The following GPRC5D variants were observed in gnomAD, a reference collection of about 807,000 sequenced individuals.
GPRC5D encodes the protein G protein-coupled receptor family C group 5 member D.
In GPRC5D, 20 loss-of-function variants were observed where a neutral mutation model predicts 29.3. That is an observed-to-expected ratio of 0.68 (90% CI 0.48 to 0.99). The LOEUF (loss-of-function observed/expected upper bound fraction) is 0.99. GPRC5D is among the 50% of genes least tolerant of loss of function. GPRC5D has a pLI of 0.00. For missense variants in GPRC5D, 384 were observed against 423.6 expected, an observed-to-expected ratio of 0.91 and a Z score of 0.82; for synonymous variants, 178 against 171.3, an observed-to-expected ratio of 1.04 and a Z score of -0.30.
Position 12,944,844 on chromosome 12 carries a change from TCCTTCC to T in GPRC5D, c.896-2522_896-2517del, listed in dbSNP as rs1565477374. Among the ~76,000 whole-genome samples the T allele has an allele frequency of 2.8e-3, 129 of 46,856 alleles. 9 individuals are homozygous for T. The highest frequency in any genetic ancestry group is 6.1e-3 in the African/African-American group (111 of 18,216). 30.7% of individuals were successfully genotyped at this position (46,856 alleles called of 152,430 possible). On this transcript the variant is annotated intron_variant, in intron 1 of 2. Coordinates refer to ENST00000228887, the Ensembl canonical transcript of GPRC5D. ...TTCCTTCCTTCCTTCCTTCCTTCCTTCCTTCCTTCTTTCTTTCTTTCTTTCTTTCTT... is the reference window on the plus strand; with the variant it reads ...TTCCTTCCTTCCTTCCTTCCTTCCTTTTCTTTCTTTCTTTCTTTCTTTCTT...
At chr12:12,948,363 T>C (rs1459587254) in intron 1 of GPRC5D, 1 of 154,022 alleles carries the variant, frequency 6.5e-6, no homozygotes, top group African/African-American at 2.4e-5. Flanking sequence ...TTCCAACTTT[T>C]GGTCAACTGA....
chr12:12,946,368 T>TC (rs1306083486), intron 1 of GPRC5D, among the ~76,000 whole-genome samples: 1 of 148,648 alleles, frequency 6.7e-6, no homozygotes, highest in African/African-American at 2.5e-5. Context: ...TTTCTTTCTT[T>TC]TCTTTCTTTC....
chr12:12,948,418 T>A (rs764545118), intron 1 of GPRC5D: 8 of 154,364 alleles, frequency 5.2e-5, no homozygotes, highest in Non-Finnish European at 1.0e-4. Flanking sequence ...AGGATTTAAT[T>A]TGAATGCGCA....
chr12:12,951,614 C>A (rs1863497726), upstream of GPRC5D, among the ~76,000 whole-genome samples: 1 of 152,154 alleles, frequency 6.6e-6, no homozygotes, highest in Non-Finnish European at 1.5e-5. Context: ...AATACAAAAT[C>A]TTTTTCATAA....
intron 1 of GPRC5D, chr12:12,948,644 T>C (rs548289586): frequency 2.0e-5 from 3 of 153,550 alleles, no homozygotes; most frequent in Non-Finnish European, 4.4e-5. Flanking sequence ...AGCCCAGATG[T>C]TTCAGAAAAG....
At chr12:12,940,740 CTG>C (rs1863121642), downstream of GPRC5D, 1 of 1,312,922 alleles carries the variant, frequency 7.6e-7, no homozygotes, top group African/African-American at 1.4e-5. Context: ...CCAGGACGGT[CTG>C]CTGGGTTTTC....
At chr12:12,944,674 A>G (rs571926360) in intron 1 of GPRC5D, among the ~76,000 whole-genome samples, 55 of 152,114 alleles carry the variant, frequency 3.6e-4, no homozygotes, top group African/African-American at 1.2e-3. Flanking sequence ...AAAAAGAATC[A>G]TATGAGGTTT....
At chr12:12,942,454 G>A in intron 1 of GPRC5D, 126 bp from the exon 3 acceptor site, 1 of 666,654 alleles carries the variant, frequency 1.5e-6, no homozygotes, top group Non-Finnish European at 2.7e-6. Context: ...GAATTCTGAG[G>A]CTGGGCACGG....
chr12:12,951,303 G>A (rs1236507983), upstream of GPRC5D, among the ~76,000 whole-genome samples: 1 of 152,242 alleles, frequency 6.6e-6, no homozygotes, highest in East Asian at 1.9e-4. Flanking sequence ...TTGTTCCTAG[G>A]ACACTGTCAA....
chr12:12,948,573 A>C (rs1416858070), intron 1 of GPRC5D: 1 of 154,350 alleles, frequency 6.5e-6, no homozygotes, highest in South Asian at 2.0e-4. Flanking sequence ...AATGTGAGAA[A>C]TCAGATGCCT....
exon 1 of GPRC5D, chr12:12,949,678 T>C: frequency 6.2e-7 from 1 of 1,614,090 alleles, no homozygotes; most frequent in Non-Finnish European, 8.5e-7. Flanking sequence ...GTCGTCCCAC[T>C]GGGGCTGTCG....
intron 2 of GPRC5D, among the ~76,000 whole-genome samples, chr12:12,942,000 C>A (rs1863161913): frequency 1.3e-5 from 2 of 152,234 alleles, no homozygotes; most frequent in South Asian, 4.1e-4. Flanking sequence ...GCTGCCCTTT[C>A]TTTCCAGGGA....
chr12:12,951,460 A>T (rs1863494469), upstream of GPRC5D, among the ~76,000 whole-genome samples: 1 of 152,238 alleles, frequency 6.6e-6, no homozygotes, highest in Admixed American at 6.5e-5. Flanking sequence ...TAGCAGTTTT[A>T]TATAGGATGT....
At chr12:12,941,233 A>G (rs1351784329) in intron 2 of GPRC5D, among the ~76,000 whole-genome samples, 1 of 152,134 alleles carries the variant, frequency 6.6e-6, no homozygotes. Context: ...TTGAAGTATT[A>G]TTATCTCACC....
At chr12:12,942,116 C>G in intron 2 of GPRC5D, 145 bp downstream of exon 3, 1 of 658,362 alleles carries the variant, frequency 1.5e-6, no homozygotes, top group Non-Finnish European at 2.7e-6. Flanking sequence ...CTGGGTGGCT[C>G]AAGCTCCACA....
At chr12:12,944,740 T>C (rs138771634) in intron 1 of GPRC5D, among the ~76,000 whole-genome samples, 62 of 124,438 alleles carry the variant, frequency 5.0e-4, no homozygotes, top group Admixed American at 6.2e-4. Context: ...GTGACACCTT[T>C]CTTCCTTCCT....
At chr12:12,945,218 C>T (rs1371805198) in intron 1 of GPRC5D, among the ~76,000 whole-genome samples, 5 of 151,808 alleles carry the variant, frequency 3.3e-5, no homozygotes, top group African/African-American at 4.8e-5. Context: ...TTGGCCAGGC[C>T]GATCTTGAAC....
chr12:12,947,467 G>A (rs1863377431), intron 1 of GPRC5D, among the ~76,000 whole-genome samples: 2 of 152,094 alleles, frequency 1.3e-5, no homozygotes, highest in Admixed American at 6.6e-5. Flanking sequence ...CTGAGCTTAA[G>A]CTTCTGGTTA....
At chr12:12,942,518 T>G (rs551949974) in intron 1 of GPRC5D, among the ~76,000 whole-genome samples, 190 bp from the exon 3 acceptor site, 13 of 152,274 alleles carry the variant, frequency 8.5e-5, no homozygotes, top group African/African-American at 3.1e-4. Flanking sequence ...GCGGATCACT[T>G]GAGGTCAGGA....
Sources: gnomAD v4.1 joint callset for allele counts (sites outside exome capture counted in the v4.1 genomes callset) on GRCh38, gnomAD v4.1.1 for gene constraint, MANE v1.5 for transcripts, NCBI Gene and HGNC (gene_info 2026-07-23, HGNC 2026-07-21) for gene names.